WFDC1: variants seen among roughly 807,000 people sequenced by gnomAD.
WFDC1 encodes the protein WAP four-disulfide core domain 1, also known as WAP four-disulfide core domain protein 1.
A neutral mutation model predicts 32.9 loss-of-function variants in WFDC1; 39 were observed. The observed-to-expected ratio is 1.19, with a 90% CI of 0.92 to 1.55. The LOEUF is 1.55. WFDC1 is among the 40% of genes most tolerant of loss of function. The pLI, the probability that WFDC1 is intolerant of heterozygous loss-of-function variation, is 0.00. For missense variants in WFDC1, 386 were observed against 309.5 expected, an observed-to-expected ratio of 1.25 and a Z score of -1.85; for synonymous variants, 184 against 137.4, an observed-to-expected ratio of 1.34 and a Z score of -2.37.
rs527363663 is a variant in WFDC1, at chr16:84,300,880, G to C, written c.144+5765G>C. 2.0e-5 allele frequency among the ~76,000 whole-genome samples: 3 copies of C among 152,108 alleles called. No individual in the cohort carries two copies. The East Asian group carries it at 5.8e-4, about 30-fold the overall frequency. ...AGCTACTCAGGAGGCTGAGGCAGTA[G>C]AATCACTTGAACCTGGGAGGCGAGG... is the stretch of plus-strand genomic sequence containing the variant. On this transcript the variant is annotated intron_variant, in intron 1 of 6. Transcript: ENST00000219454.
At chr16:84,302,322 C>T (rs1042536219) in intron 1 of WFDC1, among the ~76,000 whole-genome samples, 7 of 152,076 alleles carry the variant, frequency 4.6e-5, no homozygotes, top group Non-Finnish European at 7.4e-5. Flanking sequence ...TAATTAATGC[C>T]GCCAACTCGC....
intron 5 of WFDC1, among the ~76,000 whole-genome samples, chr16:84,324,955 CCATT>C (rs1908503933): frequency 6.6e-6 from 1 of 151,948 alleles, no homozygotes; most frequent in East Asian, 1.9e-4. Flanking sequence ...GTTTTTTCAT[CCATT>C]CATTCCTCTA....
chr16:84,301,794 A>G (rs193462), intron 1 of WFDC1, among the ~76,000 whole-genome samples: 55,935 of 152,024 alleles, frequency 0.37, 12,401 homozygotes, highest in African/African-American at 0.59. Context: ...GGGGGACCTT[A>G]GGCAAATCAC....
At chr16:84,300,499 G>C (rs1274654167) in intron 1 of WFDC1, among the ~76,000 whole-genome samples, 1 of 152,232 alleles carries the variant, frequency 6.6e-6, no homozygotes, top group Non-Finnish European at 1.5e-5. Context: ...AATCCTGTCG[G>C]ATCCATGCTG....
At chr16:84,310,843 T>TCTA (rs1907573215) in intron 1 of WFDC1, among the ~76,000 whole-genome samples, 1 of 152,214 alleles carries the variant, frequency 6.6e-6, no homozygotes. Flanking sequence ...TTCATGGCTG[T>TCTA]CTACTATTCC....
intron 1 of WFDC1, among the ~76,000 whole-genome samples, chr16:84,311,694 G>GTT (rs1907635844): frequency 2.5e-5 from 1 of 39,318 alleles, no homozygotes; most frequent in African/African-American, 1.1e-4. Flanking sequence ...ATGCCTGACT[G>GTT]CTTTTTTTTT....
intron 4 of WFDC1, 119 bp downstream of exon 4, chr16:84,319,690 CTG>C (rs1414781417): frequency 7.7e-7 from 1 of 1,297,102 alleles, no homozygotes; most frequent in African/African-American, 1.5e-5. Flanking sequence ...CTGGGCCTGA[CTG>C]AGAGCTCCTC....
rs779129088 is a variant in WFDC1, at chr16:84,318,264, T to C, written c.338-8T>C. ...GGAGGGCCCTGATCTGACCCCGTAT[T>C]GTGTTAGTCTTAGACTGGCTGGTGC... On this transcript the variant is annotated splice_region_variant and splice_polypyrimidine_tract_variant and intron_variant, in intron 2 of 6. Transcript: ENST00000219454. 1.7e-5 allele frequency: 27 copies of C among 1,613,946 alleles called. No individual in the cohort carries two copies. Among genetic ancestry groups the C allele is most frequent in the Non-Finnish European group, 2.1e-5 (25 of 1,179,948 alleles).
chr16:84,311,249 C>CTT (rs58268746), intron 1 of WFDC1, among the ~76,000 whole-genome samples: 6,484 of 145,010 alleles, frequency 0.045, 432 homozygotes, highest in African/African-American at 0.15. Context: ...AGTACTATAT[C>CTT]TTTTTTTTTT....
intron 1 of WFDC1, chr16:84,295,752 G>A (rs1271073682): frequency 6.6e-6 from 1 of 152,630 alleles, no homozygotes; most frequent in Non-Finnish European, 1.5e-5. Context: ...TGTGAATCGG[G>A]CTCTGCTGCT....
chr16:84,298,396 G>T (rs144292623), intron 1 of WFDC1, among the ~76,000 whole-genome samples: 1 of 152,222 alleles, frequency 6.6e-6, no homozygotes, highest in East Asian at 1.9e-4. Flanking sequence ...CACCCAGCCA[G>T]GAAATACTTC....
At chr16:84,306,049 A>AATAAT (rs1567653599) in intron 1 of WFDC1, among the ~76,000 whole-genome samples, 2 of 135,334 alleles carry the variant, frequency 1.5e-5, no homozygotes, top group South Asian at 2.3e-4. Context: ...ATAATAATAA[A>AATAAT]AGGAATAAAA....
intron 1 of WFDC1, among the ~76,000 whole-genome samples, chr16:84,296,615 C>T (rs1049997102): frequency 3.3e-5 from 5 of 152,134 alleles, no homozygotes; most frequent in African/African-American, 1.2e-4. Flanking sequence ...GCCTCCAGGG[C>T]TCATATTCTC....
chr16:84,299,905 G>A (rs1906835599), intron 1 of WFDC1, among the ~76,000 whole-genome samples: 1 of 150,940 alleles, frequency 6.6e-6, no homozygotes, highest in Non-Finnish European at 1.5e-5. Flanking sequence ...AGGGAGGGGA[G>A]CATTGCATTG....
chr16:84,299,877 A>C (rs1906833333), intron 1 of WFDC1, among the ~76,000 whole-genome samples: 1 of 152,002 alleles, frequency 6.6e-6, no homozygotes, highest in Admixed American at 6.6e-5. Flanking sequence ...TTTCAAATGC[A>C]TCCTGCCAGA....
At chr16:84,308,855 G>T (rs751550925) in intron 1 of WFDC1, among the ~76,000 whole-genome samples, 6 of 151,602 alleles carry the variant, frequency 4.0e-5, no homozygotes, top group Non-Finnish European at 5.9e-5. Flanking sequence ...GTAGATGCCA[G>T]CCTGGGTGTA....
At chr16:84,323,058 C>T (rs1908398738) in intron 4 of WFDC1, among the ~76,000 whole-genome samples, 1 of 152,182 alleles carries the variant, frequency 6.6e-6, no homozygotes, top group African/African-American at 2.4e-5. Flanking sequence ...AGAATTCACC[C>T]CCAGGTAAAG....
intron 2 of WFDC1, among the ~76,000 whole-genome samples, chr16:84,315,559 G>C (rs114539393): frequency 1.8e-3 from 267 of 152,276 alleles, no homozygotes; most frequent in African/African-American, 5.8e-3. Flanking sequence ...TCTAACACCA[G>C]ATTTCACAAT....
chr16:84,319,902 G>T (rs1043269028), intron 4 of WFDC1, among the ~76,000 whole-genome samples: 13 of 152,152 alleles, frequency 8.5e-5, no homozygotes, highest in African/African-American at 2.9e-4. Context: ...ACTACATGCT[G>T]TTGTGGGGCG....
Sources: allele counts gnomAD v4.1 joint callset (sites outside exome capture counted in the v4.1 genomes callset), GRCh38; gene constraint gnomAD v4.1.1; transcripts MANE v1.5; gene names NCBI Gene and HGNC (gene_info 2026-07-23, HGNC 2026-07-21).